PCNX2: variants seen among roughly 807,000 people sequenced by gnomAD.
PCNX2 encodes pecanex 2.
Under a neutral mutation model 223.8 loss-of-function variants are expected in PCNX2, and 168 were observed. That is an observed-to-expected ratio of 0.75 (90% CI 0.66 to 0.85). The LOEUF (loss-of-function observed/expected upper bound fraction) is 0.85, where lower values mean the gene tolerates loss of function less well. Among genes scored for constraint, PCNX2 ranks in the 40% least tolerant of loss-of-function variants. The probability of loss-of-function intolerance (pLI) is 0.00; values close to 1 mark genes in which losing one functional copy is unlikely to be tolerated. For missense variants in PCNX2, 2,507 were observed against 2,675.5 expected, an observed-to-expected ratio of 0.94 and a Z score of 1.39; for synonymous variants, 1,006 against 1,052.6, an observed-to-expected ratio of 0.96 and a Z score of 0.86.
chr1:233,053,223 C>T (rs372814391), intron 25 of PCNX2, among the ~76,000 whole-genome samples: 3 of 151,940 alleles, frequency 2.0e-5, no homozygotes, highest in South Asian at 2.1e-4. Context: ...GTCAAGTTGC[C>T]GCAAGCGCTG....
intron 23 of PCNX2, among the ~76,000 whole-genome samples, chr1:233,060,922 C>A (rs1053991649): frequency 2.6e-5 from 4 of 152,192 alleles, no homozygotes; most frequent in African/African-American, 7.2e-5. Flanking sequence ...ATGCAGAGAG[C>A]AGAGCTGGCT....
chr1:233,180,321 C>T (rs930291506), intron 15 of PCNX2, among the ~76,000 whole-genome samples: 21 of 152,118 alleles, frequency 1.4e-4, no homozygotes, highest in African/African-American at 5.1e-4. Context: ...ATACATGTTA[C>T]CACCCCAACC....
chr1:233,135,627 C>A (rs1002408530), intron 20 of PCNX2, among the ~76,000 whole-genome samples: 5 of 152,170 alleles, frequency 3.3e-5, no homozygotes, highest in Admixed American at 3.3e-4. Flanking sequence ...GCTGCCCCTG[C>A]TAGAGTGAGC....
chr1:233,037,155 C>G (rs572530270), intron 25 of PCNX2, among the ~76,000 whole-genome samples: 1 of 152,296 alleles, frequency 6.6e-6, no homozygotes, highest in East Asian at 1.9e-4. Context: ...GACAGGGAAA[C>G]AGAGTGCTAA....
In PCNX2 at chr1:232,991,058, T is replaced by C. The variant is rs1328040894; in HGVS notation, c.5792-4518A>G. 2.0e-5 allele frequency among the ~76,000 whole-genome samples: 3 copies of C among 152,168 alleles called. No individual in the cohort carries two copies. The highest frequency in any genetic ancestry group is 1.9e-4 in the East Asian group (1 of 5,182). On this transcript the variant is annotated intron_variant, in intron 32 of 33. Coordinates refer to ENST00000258229, the MANE Select transcript of PCNX2 (RefSeq NM_014801.4). The surrounding 1 kb of genome is among the most constrained non-coding windows in gnomAD (Gnocchi z 4.3). Reference sequence around the variant, plus strand: ...CCTGAGCGTCCACCGTGGGCTGCACTGTCCTAGGTGCCGGGCAGTGAGCAG... The same window carrying C: ...CCTGAGCGTCCACCGTGGGCTGCACCGTCCTAGGTGCCGGGCAGTGAGCAG...
Position 233,252,378 on chromosome 1 carries a change from T to C in PCNX2, c.2104A>G (p.Met702Val), listed in dbSNP as rs1659507426. 1.9e-6 allele frequency: 3 copies of C among 1,611,570 alleles called. No individual in the cohort carries two copies. The highest frequency in any genetic ancestry group is 2.5e-6 in the Non-Finnish European group (3 of 1,178,302). Residue 702 changes from methionine (M) to valine (V), a missense_variant, in exon 7 of 34, where the codon ATG becomes GTG. Met to Val is a conservative substitution (Grantham distance 21, BLOSUM62 1). This residue lies in a region of PCNX2 where 1,031 missense variants were observed against 1,021.7 expected (regional missense o/e 1.01). Transcript: ENST00000258229. ...CCATGTTCATCAATGAAGACATGCA[T>C]AGCATCCACAGATATCTCTTCTTGT... ...SVQEEISVDA[M>V]HVFIDEHGEI... is the part of the protein sequence containing the mutation.
chr1:233,302,042 C>T, the PCNX2 span, among the ~76,000 whole-genome samples: 7 of 151,958 alleles, frequency 4.6e-5, no homozygotes, highest in South Asian at 2.1e-4. Context: ...GTAATGCCCC[C>T]GCCTTGGCCT....
chr1:233,194,416 T>A (rs1347392311), intron 15 of PCNX2, among the ~76,000 whole-genome samples: 1 of 151,444 alleles, frequency 6.6e-6, no homozygotes, highest in Non-Finnish European at 1.5e-5. Context: ...AGGAGAAATA[T>A]GATGGCAAGC....
Position 233,174,394 on chromosome 1 carries a change from T to C in PCNX2, c.3273+3408A>G, listed in dbSNP as rs544588615. 1.1e-4 allele frequency among the ~76,000 whole-genome samples: 17 copies of C among 149,482 alleles called. No homozygotes were observed. The South Asian group carries it at 3.5e-3, about 31-fold the overall frequency. On this transcript the variant is annotated intron_variant, in intron 17 of 33. Transcript: ENST00000258229. Reference sequence around the variant, plus strand: ...AATGAAAAATTTATATATAAATTTATATATAAATTTTTGGATTTATGGTAA... The same window carrying C: ...AATGAAAAATTTATATATAAATTTACATATAAATTTTTGGATTTATGGTAA...
intron 26 of PCNX2, among the ~76,000 whole-genome samples, chr1:233,022,319 G>C (rs148239666): frequency 6.6e-6 from 1 of 152,308 alleles, no homozygotes; most frequent in Non-Finnish European, 1.5e-5. Context: ...AGGTCATCAA[G>C]CAGAGCTCTG....
chr1:233,295,952 T>TCCTTCCTTTCTC (rs772276826), upstream of PCNX2, among the ~76,000 whole-genome samples: 2 of 144,956 alleles, frequency 1.4e-5, no homozygotes, highest in African/African-American at 5.1e-5. This position sits in a 1 kb window ranked among gnomAD's most constrained non-coding sequence, Gnocchi z 4.1. Context: ...CTTCCTTCCT[T>TCCTTCCTTTCTC]TCTCTCTCTC....
Position 232,986,367 on chromosome 1 carries a change from C to A in PCNX2, c.5965G>T (p.Ala1989Ser), listed in dbSNP as rs189263803. 2 of 1,601,570 alleles carry A rather than the reference C, an allele frequency of 1.2e-6. No individual in the cohort carries two copies. The highest frequency in any genetic ancestry group is 3.4e-5 in the Admixed American group (2 of 58,578). ...TGAGAGTGCAGGGACGTGGCCGAGG[C>A]GTGCAAGGAGAGCCGGCTGCCCGAG... Reference protein sequence around the residue: ...RLSGSRLSLHASATSLHSQPP... With the variant: ...RLSGSRLSLHSSATSLHSQPP... Residue 1989 changes from alanine to serine, a missense_variant, in exon 33 of 34, where the codon GCC becomes TCC. This residue lies in a region of PCNX2 where 1,372 missense variants were observed against 1,509.4 expected (regional missense o/e 0.91). Coordinates refer to ENST00000258229, the MANE Select transcript of PCNX2 (RefSeq NM_014801.4).
intron 32 of PCNX2, among the ~76,000 whole-genome samples, chr1:232,987,943 C>T (rs909934749): frequency 2.6e-5 from 4 of 152,182 alleles, no homozygotes; most frequent in South Asian, 2.1e-4. Flanking sequence ...TGGGGGCTTC[C>T]GCAGGACGGG....
chr1:233,318,563 C>CTTTTTTTTT, the PCNX2 span, among the ~76,000 whole-genome samples: 150 of 92,486 alleles, frequency 1.6e-3, 1 homozygote, highest in African/African-American at 4.5e-3. Flanking sequence ...TTTTCTTTTT[C>CTTTTTTTTT]TTTTTTTTTT....
intron 17 of PCNX2, among the ~76,000 whole-genome samples, chr1:233,173,218 C>A (rs1240029858): frequency 2.0e-5 from 3 of 151,046 alleles, no homozygotes; most frequent in Non-Finnish European, 1.5e-5. Flanking sequence ...GTTGCCCAGG[C>A]TGGAATGCAG....
chr1:233,193,820 T>C (rs1251000489), intron 15 of PCNX2, among the ~76,000 whole-genome samples: 6 of 152,070 alleles, frequency 3.9e-5, no homozygotes, highest in Non-Finnish European at 5.9e-5. Flanking sequence ...GAGAAAGAAC[T>C]GGTGAACTTC....
intron 17 of PCNX2, among the ~76,000 whole-genome samples, chr1:233,163,261 G>A (rs578184091): frequency 6.6e-6 from 1 of 152,150 alleles, no homozygotes; most frequent in Non-Finnish European, 1.5e-5. Flanking sequence ...CAAGACAGGT[G>A]GATCACTTGA....
intron 19 of PCNX2, among the ~76,000 whole-genome samples, chr1:233,159,616 C>T (rs1376099604): frequency 6.6e-6 from 1 of 152,156 alleles, no homozygotes; most frequent in African/African-American, 2.4e-5. Flanking sequence ...CATTCAAGCA[C>T]AGAACAGGGA....
chr1:233,178,005 C>A, intron 16 of PCNX2, 107 bp from the exon 17 acceptor site: 2 of 749,932 alleles, frequency 2.7e-6, no homozygotes, highest in Non-Finnish European at 4.4e-6. Flanking sequence ...AAAACAAGTG[C>A]TCTCTTCATT....
Sources: allele counts gnomAD v4.1 joint callset (sites outside exome capture counted in the v4.1 genomes callset), GRCh38; gene constraint gnomAD v4.1.1; regional missense constraint gnomAD v4.1.1; non-coding constraint Gnocchi (gnomAD v3.1); transcripts MANE v1.5; gene names NCBI Gene and HGNC (gene_info 2026-07-23, HGNC 2026-07-21).